The following ASTN2 variants were observed in gnomAD, a reference collection of about 807,000 sequenced individuals.
ASTN2 encodes the protein astrotactin 2.
In ASTN2, 54 loss-of-function variants were observed where a neutral mutation model predicts 139.8. That is an observed-to-expected ratio of 0.39 (90% CI 0.31 to 0.48). The LOEUF is 0.48. Ranked by LOEUF, ASTN2 falls within the 20% of genes least tolerant of loss-of-function variation. ASTN2 has a pLI of 0.95. For synonymous variants in ASTN2, 756 were observed against 719.5 expected, an observed-to-expected ratio of 1.05 and a Z score of -0.81; for missense variants, 1,565 against 1,725.1, an observed-to-expected ratio of 0.91 and a Z score of 1.64.
intron 13 of ASTN2, among the ~76,000 whole-genome samples, chr9:116,779,515 T>C (rs910906244): frequency 6.7e-6 from 1 of 149,722 alleles, no homozygotes; most frequent in Non-Finnish European, 1.5e-5. Context: ...TTTTTTTTTA[T>C]AGCAACACAG....
intron 19 of ASTN2, among the ~76,000 whole-genome samples, chr9:116,557,453 G>C (rs1297564106): frequency 1.3e-5 from 2 of 151,886 alleles, no homozygotes; most frequent in Non-Finnish European, 2.9e-5. Context: ...AGTATTCTTG[G>C]ATTAAATGAA....
At chr9:116,736,366 G>T (rs1033751365) in intron 13 of ASTN2, among the ~76,000 whole-genome samples, 5 of 152,242 alleles carry the variant, frequency 3.3e-5, no homozygotes, top group African/African-American at 1.2e-4. Flanking sequence ...TGTATGCCTG[G>T]CATAGAGTCT....
intron 5 of ASTN2, among the ~76,000 whole-genome samples, chr9:117,052,122 C>T (rs1026697452): frequency 1.6e-4 from 24 of 152,118 alleles, no homozygotes; most frequent in Admixed American, 1.2e-3. Context: ...ATGGGAATAA[C>T]ATCTACTCCA....
At chr9:117,069,327 G>C (rs1384273704) in intron 5 of ASTN2, among the ~76,000 whole-genome samples, 1 of 110,366 alleles carries the variant, frequency 9.1e-6, no homozygotes, top group African/African-American at 4.0e-5. Flanking sequence ...CTTTGAGTGA[G>C]ATTCTTAATC....
In ASTN2 at chr9:117,225,535, GTATATATATATATATATATATATA is replaced by G. The variant is rs58184768; in HGVS notation, c.631-10817_631-10794del. Among the ~76,000 whole-genome samples the G allele has an allele frequency of 2.5e-4, 16 of 63,962 alleles. 2 individuals are homozygous for G. The highest frequency in any genetic ancestry group is 8.5e-3 in the Middle Eastern group (1 of 118). The allele number at this position is 63,962 out of a possible 152,430, so 42.0% of individuals were successfully genotyped here. On this transcript the variant is annotated intron_variant, in intron 2 of 22. Transcript: ENST00000313400. The stretch of plus-strand genomic sequence containing the variant: ...CAAGACCAGCCTGGCCAAGCTGTAT[GTATATATATATATATATATATATA>G]TATATATATATATATACAGATGAAC...
chr9:116,470,420 G>C (rs761437085), intron 20 of ASTN2, among the ~76,000 whole-genome samples: 1 of 152,126 alleles, frequency 6.6e-6, no homozygotes, highest in Non-Finnish European at 1.5e-5. Flanking sequence ...GAGACAAACT[G>C]TCTGAGTTCA....
intron 10 of ASTN2, among the ~76,000 whole-genome samples, chr9:116,894,261 C>T (rs981136573): frequency 6.6e-6 from 1 of 152,062 alleles, no homozygotes; most frequent in African/African-American, 2.4e-5. Flanking sequence ...TAGGTAGGGA[C>T]AGGGTGGATG....
At chr9:116,629,380 G>A (rs1462515223) in intron 17 of ASTN2, among the ~76,000 whole-genome samples, 1 of 152,112 alleles carries the variant, frequency 6.6e-6, no homozygotes, top group African/African-American at 2.4e-5. Flanking sequence ...GCCTCCCAAA[G>A]TGCTGGGATT....
At chr9:117,047,643 G>A (rs947501272) in intron 5 of ASTN2, among the ~76,000 whole-genome samples, 1 of 152,018 alleles carries the variant, frequency 6.6e-6, no homozygotes, top group African/African-American at 2.4e-5. Flanking sequence ...AAATTAAATA[G>A]GATATATTTA....
At chr9:117,078,984 C>T (rs1828352124) in intron 5 of ASTN2, among the ~76,000 whole-genome samples, 1 of 152,174 alleles carries the variant, frequency 6.6e-6, no homozygotes, top group South Asian at 2.1e-4. Flanking sequence ...GATCTGCCTG[C>T]CTCGGCCTCC....
intron 1 of ASTN2, among the ~76,000 whole-genome samples, chr9:117,368,957 G>T (rs900872392): frequency 2.6e-5 from 4 of 152,078 alleles, no homozygotes; most frequent in African/African-American, 9.7e-5. Flanking sequence ...CAAGTAAAAC[G>T]GGGTAAATTG....
At chr9:116,979,000 T>C (rs1836434952) in intron 7 of ASTN2, among the ~76,000 whole-genome samples, 1 of 152,220 alleles carries the variant, frequency 6.6e-6, no homozygotes, top group Non-Finnish European at 1.5e-5. Flanking sequence ...GATTTTGAAA[T>C]GTATGCATTC....
intron 1 of ASTN2, among the ~76,000 whole-genome samples, chr9:117,291,963 A>G (rs1054723411): frequency 6.6e-6 from 1 of 152,176 alleles, no homozygotes; most frequent in African/African-American, 2.4e-5. Flanking sequence ...CGGAGCCAGA[A>G]AGGCCCAAGA....
At chr9:116,568,898 T>A (rs1853369652) in intron 19 of ASTN2, 1 of 152,156 alleles carries the variant, frequency 6.6e-6, no homozygotes, top group African/African-American at 2.4e-5. Context: ...AATGCCACTT[T>A]CCAGTATTAC....
chr9:116,559,983 A>T (rs1852825048), intron 19 of ASTN2, among the ~76,000 whole-genome samples: 2 of 152,182 alleles, frequency 1.3e-5, no homozygotes, highest in Non-Finnish European at 2.9e-5. Flanking sequence ...TGTACAAAGC[A>T]ATTTTAAGGT....
intron 2 of ASTN2, among the ~76,000 whole-genome samples, chr9:117,275,830 A>G (rs1441272550): frequency 1.3e-5 from 2 of 152,112 alleles, no homozygotes; most frequent in African/African-American, 4.8e-5. Flanking sequence ...TTGGCCTCCC[A>G]AAGTTAGTGT....
chr9:116,509,935 G>A (rs1013391150), intron 19 of ASTN2, among the ~76,000 whole-genome samples: 2 of 152,100 alleles, frequency 1.3e-5, no homozygotes, highest in African/African-American at 4.8e-5. Context: ...GATTGCAAAA[G>A]TTTTCTCCCA....
chr9:117,279,855 G>C (rs1234247922), intron 2 of ASTN2, among the ~76,000 whole-genome samples: 2 of 152,076 alleles, frequency 1.3e-5, no homozygotes, highest in Non-Finnish European at 2.9e-5. Context: ...TCCTTGGCTT[G>C]GGCTACATAA....
At chr9:117,203,176 C>G (rs1815391338) in intron 3 of ASTN2, among the ~76,000 whole-genome samples, 1 of 151,870 alleles carries the variant, frequency 6.6e-6, no homozygotes, top group African/African-American at 2.4e-5. Flanking sequence ...CTATGTTTTT[C>G]AGCTCCATCA....
Sources: gnomAD v4.1 joint callset for allele counts (sites outside exome capture counted in the v4.1 genomes callset) on GRCh38, gnomAD v4.1.1 for gene constraint, MANE v1.5 for transcripts, NCBI Gene and HGNC (gene_info 2026-07-23, HGNC 2026-07-21) for gene names.